Variants in SKIC2 observed in about 807,000 individuals in gnomAD.
SKIC2 encodes the protein superkiller complex protein 2.
the SKIC2 span, chr6:31,967,428 C>G: frequency 1.4e-6 from 2 of 1,426,434 alleles, no homozygotes; most frequent in Non-Finnish European, 2.0e-6. This position sits in a 1 kb window ranked among gnomAD's most constrained non-coding sequence, Gnocchi z 4.9. Flanking sequence ...AGCAAGCCCT[C>G]TCTCCATTTT....
At chr6:31,960,192 A>T in the SKIC2 span, 14 of 1,609,430 alleles carry the variant, frequency 8.7e-6, no homozygotes, top group Non-Finnish European at 1.0e-5. Flanking sequence ...AAGAAAGAAG[A>T]CCCAAAAGTT....
chr6:31,968,911 T>A, the SKIC2 span: 1 of 1,612,968 alleles, frequency 6.2e-7, no homozygotes. This position sits in a 1 kb window ranked among gnomAD's most constrained non-coding sequence, Gnocchi z 6.1. Context: ...GCGGGCACTG[T>A]GAAGCTGGCA....
the SKIC2 span, chr6:31,966,022 G>A: frequency 6.4e-7 from 1 of 1,551,574 alleles, no homozygotes; most frequent in Non-Finnish European, 8.8e-7. The surrounding 1 kb of genome is among the most constrained non-coding windows in gnomAD (Gnocchi z 5.9). Flanking sequence ...TGGTGAGCGG[G>A]CCAGCATGCT....
chr6:31,966,794 A>G, the SKIC2 span: 7 of 1,614,010 alleles, frequency 4.3e-6, no homozygotes, highest in Non-Finnish European at 5.1e-6. This position sits in a 1 kb window ranked among gnomAD's most constrained non-coding sequence, Gnocchi z 5.9. Context: ...CTCAGGGTGG[A>G]GGACATGATG....
At chr6:31,969,409 G>T in the SKIC2 span, 1 of 1,614,180 alleles carries the variant, frequency 6.2e-7, no homozygotes, top group Non-Finnish European at 8.5e-7. This position sits in a 1 kb window ranked among gnomAD's most constrained non-coding sequence, Gnocchi z 6.1. Flanking sequence ...ATATGAGTGG[G>T]CCCGGGGCAT....
the SKIC2 span, chr6:31,960,029 C>T: frequency 6.2e-7 from 1 of 1,613,044 alleles, no homozygotes. Context: ...GGCCTCCCTC[C>T]TTGTGCCCCA....
At chr6:31,961,851 A>G in the SKIC2 span, 1 of 1,597,502 alleles carries the variant, frequency 6.3e-7, no homozygotes, top group Non-Finnish European at 8.6e-7. Context: ...CTCCATGAGC[A>G]GGAGGCAGCA....
the SKIC2 span, chr6:31,964,437 T>C: frequency 6.7e-6 from 6 of 900,384 alleles, no homozygotes; most frequent in Admixed American, 4.0e-5. This position sits in a 1 kb window ranked among gnomAD's most constrained non-coding sequence, Gnocchi z 5.0. Flanking sequence ...GGCAGGCCAG[T>C]GCTGTGGTTA....
At chr6:31,959,253 T>G in the SKIC2 span, 1 of 1,608,142 alleles carries the variant, frequency 6.2e-7, no homozygotes, top group Non-Finnish European at 8.5e-7. Flanking sequence ...GAGTAGCCGA[T>G]ATGGAATGAA....
the SKIC2 span, chr6:31,959,650 T>C: frequency 5.4e-6 from 3 of 557,768 alleles, no homozygotes; most frequent in South Asian, 4.9e-5. Context: ...TGGAGCTCCC[T>C]TCTGTATCCA....
At chr6:31,966,715 C>G in the SKIC2 span, 1 of 1,614,050 alleles carries the variant, frequency 6.2e-7, no homozygotes, top group South Asian at 1.1e-5. The surrounding 1 kb of genome is among the most constrained non-coding windows in gnomAD (Gnocchi z 5.9). Context: ...CCAGGGGAAG[C>G]CGTCCCAGCT....
chr6:31,963,346 AG>A, the SKIC2 span: 10 of 1,417,252 alleles, frequency 7.1e-6, no homozygotes, highest in Non-Finnish European at 9.5e-6. The surrounding 1 kb of genome is among the most constrained non-coding windows in gnomAD (Gnocchi z 5.3). Flanking sequence ...GGGGTAGGGA[AG>A]GGGGTGGGGA....
chr6:31,963,992 G>A, the SKIC2 span: 70 of 1,612,082 alleles, frequency 4.3e-5, no homozygotes, highest in African/African-American at 5.3e-5. The surrounding 1 kb of genome is among the most constrained non-coding windows in gnomAD (Gnocchi z 5.3). Flanking sequence ...ACCTTCTCCC[G>A]GGGCCGCTGT....
chr6:31,965,782 G>A, the SKIC2 span: 1 of 1,588,516 alleles, frequency 6.3e-7, no homozygotes. The surrounding 1 kb of genome is among the most constrained non-coding windows in gnomAD (Gnocchi z 5.6). Context: ...CTCTGTCCCA[G>A]GTCTTGTTTG....
chr6:31,966,064 A>T, the SKIC2 span: 1 of 1,192,366 alleles, frequency 8.4e-7, no homozygotes. The surrounding 1 kb of genome is among the most constrained non-coding windows in gnomAD (Gnocchi z 5.9). Context: ...ACCTTGCTGG[A>T]TTCTGTCTTC....
At chr6:31,964,340 A>T in the SKIC2 span, 2 of 1,611,588 alleles carry the variant, frequency 1.2e-6, no homozygotes, top group Non-Finnish European at 8.5e-7. The surrounding 1 kb of genome is among the most constrained non-coding windows in gnomAD (Gnocchi z 5.0). Flanking sequence ...TGGCCTGGTC[A>T]AGGTGCATGT....
the SKIC2 span, chr6:31,959,693 G>A: frequency 9.8e-4 from 540 of 552,284 alleles, 2 homozygotes; most frequent in African/African-American, 9.3e-3. Flanking sequence ...GAGATGATAG[G>A]CTTTGAGCCT....
chr6:31,963,426 C>T, the SKIC2 span: 23 of 1,584,104 alleles, frequency 1.5e-5, no homozygotes, highest in Admixed American at 3.7e-5. This position sits in a 1 kb window ranked among gnomAD's most constrained non-coding sequence, Gnocchi z 5.3. Flanking sequence ...GCTGAAGCGT[C>T]GTCAGATCTA....
the SKIC2 span, chr6:31,962,343 C>A: frequency 7.3e-7 from 1 of 1,362,004 alleles, no homozygotes; most frequent in Middle Eastern, 1.8e-4. The surrounding 1 kb of genome is among the most constrained non-coding windows in gnomAD (Gnocchi z 5.0). Flanking sequence ...AGCACCTGAG[C>A]TTCTGGGGCA....
Sources: allele counts gnomAD v4.1 joint callset, GRCh38; gene constraint gnomAD v4.1.1; non-coding constraint Gnocchi (gnomAD v3.1); transcripts MANE v1.5; gene names NCBI Gene and HGNC (gene_info 2026-07-23, HGNC 2026-07-21).